SYN3: variants seen among roughly 807,000 people sequenced by gnomAD.
The protein encoded by SYN3 is synapsin III, also known as synapsin-3.
SYN3 carries 35 observed loss-of-function variants against 65.8 expected under a neutral mutation model. The observed-to-expected ratio is 0.53, with a 90% CI of 0.41 to 0.70. SYN3 has a LOEUF of 0.70. Among genes scored for constraint, SYN3 ranks in the 30% least tolerant of loss-of-function variants. The pLI is 0.00. For synonymous variants in SYN3, 270 were observed against 292.9 expected (o/e 0.92, Z 0.80); for missense variants, 680 against 749.0 (o/e 0.91, Z 1.08).
intron 6 of SYN3, among the ~76,000 whole-genome samples, chr22:32,832,308 G>A (rs928410768): frequency 1.3e-5 from 2 of 152,218 alleles, no homozygotes; most frequent in Non-Finnish European, 2.9e-5. Flanking sequence ...GGAAATGCAT[G>A]AGTTAGAAAT....
In SYN3 at chr22:32,513,820, A is replaced by C; in HGVS notation, c.1615T>G (p.Ser539Ala). 6.2e-7 allele frequency: 1 copy of C among 1,614,102 alleles called. No homozygotes were observed. The highest frequency in any genetic ancestry group is 1.1e-5 in the South Asian group (1 of 91,074). Residue 539 changes from serine to alanine, a missense_variant, in exon 14 of 14, where the codon TCT becomes GCT. By Grantham distance (99) the Ser-to-Ala change is moderately conservative (BLOSUM62 1). Coordinates refer to ENST00000358763, the MANE Select transcript of SYN3 (RefSeq NM_003490.4). ...CTGAGGCTGTTAGTCAGGGACTGAGATTTGCTGAAACAGAAAGGCAAGGGG... is the reference window on the plus strand; with the variant it reads ...CTGAGGCTGTTAGTCAGGGACTGAGCTTTGCTGAAACAGAAAGGCAAGGGG... ...PAPPHPHLNK[S>A]QSLTNSLSTS...
intron 6 of SYN3, among the ~76,000 whole-genome samples, chr22:32,723,770 T>C (rs1296991911): frequency 1.3e-5 from 2 of 152,214 alleles, no homozygotes; most frequent in African/African-American, 4.8e-5. Flanking sequence ...AGGAAACTGT[T>C]CTAAGTAGAA....
At chr22:32,862,625 C>G (rs544177511) in intron 6 of SYN3, 1 of 152,242 alleles carries the variant, frequency 6.6e-6, no homozygotes, top group Non-Finnish European at 1.5e-5. Flanking sequence ...TTATGAGAGA[C>G]AAACATTATA....
chr22:32,945,090 C>A (rs62234204), intron 3 of SYN3, among the ~76,000 whole-genome samples: 3 of 152,128 alleles, frequency 2.0e-5, no homozygotes, highest in East Asian at 3.9e-4. Context: ...TAGGAAGAAT[C>A]AATATTGTGA....
At chr22:32,900,895 T>C (rs1442876961) in intron 4 of SYN3, among the ~76,000 whole-genome samples, 1 of 152,258 alleles carries the variant, frequency 6.6e-6, no homozygotes, top group East Asian at 1.9e-4. Flanking sequence ...ATCTGCCCCT[T>C]GTCCATTAGA....
chr22:32,962,584 T>C (rs953446699), intron 3 of SYN3, among the ~76,000 whole-genome samples: 1 of 151,746 alleles, frequency 6.6e-6, no homozygotes, highest in Admixed American at 6.6e-5. Flanking sequence ...GCTGTGGGAG[T>C]GAGGAGGACA....
chr22:32,648,788 A>C (rs961826567), intron 6 of SYN3, among the ~76,000 whole-genome samples: 3 of 152,224 alleles, frequency 2.0e-5, no homozygotes, highest in Non-Finnish European at 1.5e-5. Context: ...GCTCACAGCA[A>C]ACAACTAAGA....
At chr22:32,819,441 A>G (rs760924557) in intron 6 of SYN3, among the ~76,000 whole-genome samples, 5 of 152,158 alleles carry the variant, frequency 3.3e-5, no homozygotes, top group African/African-American at 4.8e-5. Context: ...TTTCTCAACC[A>G]CCAGCCAACG....
At chr22:32,891,269 C>A (rs2049438047) in intron 4 of SYN3, among the ~76,000 whole-genome samples, 1 of 152,144 alleles carries the variant, frequency 6.6e-6, no homozygotes, top group Non-Finnish European at 1.5e-5. Flanking sequence ...GGCCACTTCT[C>A]CAGTCCTTTT....
chr22:32,919,374 G>T (rs761628347), intron 4 of SYN3, among the ~76,000 whole-genome samples: 2 of 152,102 alleles, frequency 1.3e-5, no homozygotes, highest in Non-Finnish European at 1.5e-5. Flanking sequence ...ATTGTTTTCT[G>T]CAACTCTAGT....
intron 6 of SYN3, among the ~76,000 whole-genome samples, chr22:32,772,538 C>T (rs922746940): frequency 6.6e-6 from 1 of 152,118 alleles, no homozygotes; most frequent in African/African-American, 2.4e-5. Flanking sequence ...GATATCCTCA[C>T]CCCTAAAGCC....
chr22:32,646,452 C>A (rs549272066), intron 6 of SYN3, among the ~76,000 whole-genome samples: 7 of 152,330 alleles, frequency 4.6e-5, no homozygotes, highest in African/African-American at 1.7e-4. Context: ...GGATGGAGAA[C>A]CTGACTCATA....
intron 4 of SYN3, among the ~76,000 whole-genome samples, chr22:32,915,465 G>A (rs930487276): frequency 2.6e-5 from 4 of 151,924 alleles, no homozygotes; most frequent in Admixed American, 2.6e-4. Flanking sequence ...AATAAAGCAG[G>A]ATGACGGTAT....
intron 6 of SYN3, among the ~76,000 whole-genome samples, chr22:32,603,505 G>GCGAGACCC (rs1359485032): frequency 2.0e-5 from 3 of 149,030 alleles, no homozygotes; most frequent in Non-Finnish European, 3.0e-5. Flanking sequence ...GGGCGACAGA[G>GCGAGACCC]CGAGACTCCG....
chr22:32,709,078 G>A (rs915420896), intron 6 of SYN3, among the ~76,000 whole-genome samples: 1 of 152,252 alleles, frequency 6.6e-6, no homozygotes, highest in Non-Finnish European at 1.5e-5. Context: ...AGGGCAGCGT[G>A]GCTCTGGCCA....
chr22:32,658,067 G>A (rs1470667720), intron 6 of SYN3, among the ~76,000 whole-genome samples: 3 of 152,196 alleles, frequency 2.0e-5, no homozygotes, highest in African/African-American at 4.8e-5. Context: ...ATTTGAGGAC[G>A]TTAAAGCATG....
intron 4 of SYN3, among the ~76,000 whole-genome samples, chr22:32,908,290 T>A (rs1220478280): frequency 6.6e-6 from 1 of 152,112 alleles, no homozygotes; most frequent in East Asian, 1.9e-4. Flanking sequence ...TTTGCCATGT[T>A]GGCCAAGCTG....
At chr22:32,927,159 A>G (rs1207786832) in intron 4 of SYN3, among the ~76,000 whole-genome samples, 1 of 152,184 alleles carries the variant, frequency 6.6e-6, no homozygotes, top group African/African-American at 2.4e-5. Context: ...GAATGATATC[A>G]GATCAGACCT....
At chr22:32,539,097 C>A (rs369538071) in intron 8 of SYN3, among the ~76,000 whole-genome samples, 4 of 152,060 alleles carry the variant, frequency 2.6e-5, no homozygotes, top group African/African-American at 9.7e-5. Context: ...ATTTGTCTTA[C>A]GGTCAAGGGA....
Sources: allele counts gnomAD v4.1 joint callset (sites outside exome capture counted in the v4.1 genomes callset), GRCh38; gene constraint gnomAD v4.1.1; transcripts MANE v1.5; gene names NCBI Gene and HGNC (gene_info 2026-07-23, HGNC 2026-07-21).